The following L3MBTL4 variants were observed in gnomAD, a reference collection of about 807,000 sequenced individuals.
L3MBTL4 encodes lethal(3)malignant brain tumor-like protein 4.
L3MBTL4 carries 70 observed loss-of-function variants against 84.5 expected under a neutral mutation model. The ratio of observed to expected loss-of-function variants is 0.83; its 90% confidence interval spans 0.68 to 1.01. The LOEUF (loss-of-function observed/expected upper bound fraction) is 1.01. Among genes scored for constraint, L3MBTL4 ranks in the 50% least tolerant of loss-of-function variants. L3MBTL4 has a pLI of 0.00. For synonymous variants in L3MBTL4, 274 were observed against 259.8 expected, an observed-to-expected ratio of 1.05 and a Z score of -0.52; for missense variants, 715 against 754.8, an observed-to-expected ratio of 0.95 and a Z score of 0.62.
At chr18:6,059,327 A>T (rs2057130678) in intron 16 of L3MBTL4, among the ~76,000 whole-genome samples, 1 of 152,222 alleles carries the variant, frequency 6.6e-6, no homozygotes, top group Non-Finnish European at 1.5e-5. Context: ...ACCTAAAAAT[A>T]AGTATCTACG....
chr18:5,956,403 T>G lies in L3MBTL4; in HGVS notation c.1678-16A>C. On this transcript the variant is annotated splice_polypyrimidine_tract_variant and intron_variant, in intron 18 of 18. Transcript: ENST00000317931. ...CATCGATCTGCTGCAAATACATAAA[T>G]AGACACAAATAAAAATGTTTTGCCA... The G allele has an allele frequency of 3.1e-6, 5 of 1,611,268 alleles. No homozygotes were observed. The highest frequency in any genetic ancestry group is 4.2e-6 in the Non-Finnish European group (5 of 1,178,788).
chr18:6,105,855 T>A (rs948920753), intron 14 of L3MBTL4, among the ~76,000 whole-genome samples: 2 of 147,994 alleles, frequency 1.4e-5, no homozygotes, highest in African/African-American at 2.5e-5. Context: ...AATATATGAA[T>A]AGATATTTTC....
Position 5,969,377 on chromosome 18 carries a change from C to T in L3MBTL4, c.1614+16G>A. 1 of 1,613,628 alleles carries T rather than the reference C, an allele frequency of 6.2e-7. No individual in the cohort carries two copies. The highest frequency in any genetic ancestry group is 8.5e-7 in the Non-Finnish European group (1 of 1,179,980). On this transcript the variant is annotated intron_variant, in intron 17 of 18. Coordinates refer to ENST00000317931, the MANE Select transcript of L3MBTL4 (RefSeq NM_001330559.2). ...CAGGCACACCCCAGCCCTGGCCCCC[C>T]AGCAGCTCCACTCACCTCATCCACA...
chr18:5,958,611 C>T (rs2095246434), intron 18 of L3MBTL4, among the ~76,000 whole-genome samples: 2 of 152,152 alleles, frequency 1.3e-5, no homozygotes, highest in African/African-American at 4.8e-5. Flanking sequence ...ATGACTTGCC[C>T]AAGCTCATGC....
chr18:6,410,267 G>A (rs2055911068), intron 1 of L3MBTL4, among the ~76,000 whole-genome samples: 1 of 152,184 alleles, frequency 6.6e-6, no homozygotes, highest in African/African-American at 2.4e-5. Context: ...CACCTGGCTA[G>A]CAGATACTCA....
chr18:6,387,597 G>A (rs1189274145), intron 1 of L3MBTL4, among the ~76,000 whole-genome samples: 3 of 152,256 alleles, frequency 2.0e-5, no homozygotes, highest in South Asian at 2.1e-4. Context: ...ATAATGTTCT[G>A]TGTTTTAAGT....
chr18:6,248,587 ACT>A (rs1020516329), intron 5 of L3MBTL4, among the ~76,000 whole-genome samples: 8 of 152,150 alleles, frequency 5.3e-5, no homozygotes, highest in Non-Finnish European at 1.2e-4. Flanking sequence ...CACCAACTTC[ACT>A]GTTTTCTGGT....
chr18:5,982,189 C>A (rs928586462), intron 16 of L3MBTL4, among the ~76,000 whole-genome samples: 1 of 152,116 alleles, frequency 6.6e-6, no homozygotes, highest in Non-Finnish European at 1.5e-5. Context: ...AGTGGAGCTA[C>A]GAGCTCCCAC....
At chr18:6,162,915 G>A (rs1424424685) in intron 13 of L3MBTL4, among the ~76,000 whole-genome samples, 1 of 152,158 alleles carries the variant, frequency 6.6e-6, no homozygotes, top group Non-Finnish European at 1.5e-5. Flanking sequence ...GAGGAAAATG[G>A]TGGACGATAG....
At chr18:6,086,856 T>C (rs2058276087) in intron 15 of L3MBTL4, among the ~76,000 whole-genome samples, 1 of 152,166 alleles carries the variant, frequency 6.6e-6, no homozygotes, top group South Asian at 2.1e-4. Flanking sequence ...ACTGGTTTGC[T>C]CACCTCCACA....
chr18:6,275,164 T>G lies in L3MBTL4; in HGVS notation c.128-11126A>C, dbSNP rs1258609361. 2.0e-5 allele frequency among the ~76,000 whole-genome samples: 3 copies of G among 151,938 alleles called. No individual in the cohort carries two copies. The East Asian group carries it at 5.8e-4, about 29-fold the overall frequency. On this transcript the variant is annotated intron_variant, in intron 4 of 18. Coordinates refer to ENST00000317931, the MANE Select transcript of L3MBTL4 (RefSeq NM_001330559.2). ...AGCAGAGGAAATCCCAGGGAGTGTG[T>G]GTAGCATGGGGTTGGTAGGGCCAAG...
chr18:6,228,508 T>C (rs1340892817), intron 10 of L3MBTL4, among the ~76,000 whole-genome samples: 2 of 152,080 alleles, frequency 1.3e-5, no homozygotes, highest in Admixed American at 6.6e-5. Context: ...GTAAATAAAC[T>C]GTCTCCAGAA....
intron 1 of L3MBTL4, among the ~76,000 whole-genome samples, chr18:6,320,469 A>G (rs2051346378): frequency 1.3e-5 from 2 of 152,104 alleles, no homozygotes; most frequent in Non-Finnish European, 2.9e-5. Flanking sequence ...TAGCACTGCT[A>G]TACACAAACA....
chr18:6,065,310 C>G (rs1045406903), intron 16 of L3MBTL4, among the ~76,000 whole-genome samples: 3 of 151,354 alleles, frequency 2.0e-5, no homozygotes, highest in African/African-American at 7.3e-5. Context: ...TTGTAGTTTT[C>G]TTTTTTTTGT....
At chr18:6,091,072 A>G (rs958364370) in intron 15 of L3MBTL4, among the ~76,000 whole-genome samples, 1 of 152,168 alleles carries the variant, frequency 6.6e-6, no homozygotes, top group Non-Finnish European at 1.5e-5. Flanking sequence ...ATTCTCCATC[A>G]CCTGTATCTA....
At chr18:6,129,827 A>G (rs1391089453) in intron 14 of L3MBTL4, among the ~76,000 whole-genome samples, 2 of 152,190 alleles carry the variant, frequency 1.3e-5, no homozygotes, top group Non-Finnish European at 2.9e-5. Context: ...AGTTTTGAAA[A>G]GTGCTTTTAG....
intron 12 of L3MBTL4, among the ~76,000 whole-genome samples, chr18:6,195,288 C>A (rs752279852): frequency 6.6e-6 from 1 of 152,236 alleles, no homozygotes; most frequent in African/African-American, 2.4e-5. Context: ...GAGAAGGGGG[C>A]AGGTTTGCAT....
At chr18:6,233,246 C>T (rs7241528) in intron 10 of L3MBTL4, among the ~76,000 whole-genome samples, 11,923 of 145,726 alleles carry the variant, frequency 0.082, 2,328 homozygotes, top group African/African-American at 0.32. Context: ...AGCATTCCCT[C>T]TGAAAACTGG....
rs114596474 is a variant in L3MBTL4, at chr18:6,224,769, C to A, written c.785-8934G>T. ...AAACACGTGGTTTCCATCTGAACAC[C>A]CTACAGGAAGGCTCACAAGCTGACA... is the stretch of plus-strand genomic sequence containing the variant. On this transcript the variant is annotated intron_variant, in intron 10 of 18. Coordinates refer to ENST00000317931, the MANE Select transcript of L3MBTL4 (RefSeq NM_001330559.2). Among the ~76,000 whole-genome samples the A allele has an allele frequency of 3.7e-3, 557 of 152,036 alleles. 3 individuals carry two copies. The highest frequency in any genetic ancestry group is 0.013 in the African/African-American group (544 of 41,456).
Sources: gnomAD v4.1 joint callset for allele counts (sites outside exome capture counted in the v4.1 genomes callset) on GRCh38, gnomAD v4.1.1 for gene constraint, MANE v1.5 for transcripts, NCBI Gene and HGNC (gene_info 2026-07-23, HGNC 2026-07-21) for gene names.